The following PKN3 variants were observed in gnomAD, a reference collection of about 807,000 sequenced individuals.
The protein encoded by PKN3 is protein kinase N3.
Under a neutral mutation model 113.1 loss-of-function variants are expected in PKN3, and 91 were observed. The observed-to-expected ratio is 0.80, with a 90% CI of 0.68 to 0.96. The LOEUF is 0.96. Among genes scored for constraint, PKN3 ranks in the 40% least tolerant of loss-of-function variants. The pLI, the probability that PKN3 is intolerant of heterozygous loss-of-function variation, is 0.00. For missense variants in PKN3, 1,052 were observed against 1,202.2 expected (o/e 0.88, Z 1.85); for synonymous variants, 467 against 499.0 (o/e 0.94, Z 0.85).
intron 6 of PKN3, among the ~76,000 whole-genome samples, chr9:128,708,533 A>T (rs189899420): frequency 0.014 from 2,059 of 147,978 alleles, 19 homozygotes; most frequent in Non-Finnish European, 0.019. Flanking sequence ...ACCCAGTCTC[A>T]AAAAAAAAAG....
At chr9:128,712,918 C>T in intron 6 of PKN3, 134 bp from the exon 7 acceptor site, 2 of 897,000 alleles carry the variant, frequency 2.2e-6, no homozygotes, top group East Asian at 2.5e-5. Flanking sequence ...AGGTAACTGC[C>T]CTGGCCTCAG....
At position 128,705,434 on chromosome 9, in the gene PKN3, T is replaced by C. The variant is rs966258532; in HGVS notation, c.156T>C (p.His52=). The C allele has an allele frequency of 1.3e-6, 2 of 1,588,796 alleles. No individual in the cohort carries two copies. Among genetic ancestry groups the C allele is most frequent in the East Asian group, 2.3e-5 (1 of 43,396 alleles). ...RVATDRRHLG[H]VQQLLRSSNR... is the part of the protein sequence containing the mutation. ...CCACAGACCGCCGCCACTTGGGCCA[T>C]GTGCAGCAGCTGCTGCGGTCCTCCA... is the stretch of plus-strand genomic sequence containing the variant. Residue 52 remains histidine, a synonymous_variant, in exon 2 of 22, where the codon CAT becomes CAC. Transcript: ENST00000291906.
In PKN3 at chr9:128,715,308, T is replaced by C; in HGVS notation, c.1717-61T>C. The C allele has an allele frequency of 6.2e-7, 1 of 1,606,780 alleles. No individual in the cohort carries two copies. The highest frequency in any genetic ancestry group is 1.3e-5 in the African/African-American group (1 of 74,874). ...ACATGAGCCGGGAGGACCTGATCTG[T>C]GGGGGCGGTAAAGGCTCCCTGGTCT... On this transcript the variant is annotated intron_variant, in intron 14 of 21. Transcript: ENST00000291906. This position sits in a 1 kb window ranked among gnomAD's most constrained non-coding sequence, Gnocchi z 4.1.
At chr9:128,714,471 C>T (rs1002354823) in intron 11 of PKN3, 91 bp from the exon 12 acceptor site, 1 of 1,139,630 alleles carries the variant, frequency 8.8e-7, no homozygotes, top group Non-Finnish European at 1.3e-6. Flanking sequence ...GCCCGCTAAC[C>T]CTCTGTCCAT....
In PKN3 at chr9:128,702,711, G is replaced by T. The variant is rs940302881; in HGVS notation, c.-205G>T. The T allele has an allele frequency of 5.2e-5, 25 of 483,866 alleles. No individual in the cohort carries two copies. The highest frequency in any genetic ancestry group is 4.7e-4 in the African/African-American group (23 of 48,466). 30.0% of individuals were successfully genotyped at this position (483,866 alleles called of 1,614,324 possible). On this transcript the variant is annotated 5_prime_UTR_variant, in exon 1 of 22. Coordinates refer to ENST00000291906, the MANE Select transcript of PKN3 (RefSeq NM_013355.5). ...GGAGGCGCTGGGGCGCGGGACCTCG[G>T]GCGTGGGGTCCCGGGCGCTGGATCG... is the stretch of plus-strand genomic sequence containing the variant.
At position 128,715,432 on chromosome 9, in the gene PKN3, G is replaced by A; in HGVS notation, c.1780G>A (p.Glu594Lys). ...CGCCATCAAAGCACTGAAGAAGCAG[G>A]AGGTGCTCAGCCGGGACGAGATAGA... ...YYAIKALKKQ[E>K]VLSRDEIESL... The change falls in exon 15 of 22, where the codon GAG (glutamate) becomes AAG (lysine). Residue 594 changes from glutamate (E) to lysine (K), a missense_variant. Coordinates refer to ENST00000291906, the MANE Select transcript of PKN3 (RefSeq NM_013355.5). This position sits in a 1 kb window ranked among gnomAD's most constrained non-coding sequence, Gnocchi z 4.1. 1 of 1,613,936 alleles carries A rather than the reference G, an allele frequency of 6.2e-7. No individual in the cohort carries two copies. Among genetic ancestry groups the A allele is most frequent in the Non-Finnish European group, 8.5e-7 (1 of 1,179,974 alleles).
intron 1 of PKN3, chr9:128,703,289 A>C: frequency 2.4e-6 from 2 of 841,784 alleles, no homozygotes; most frequent in Non-Finnish European, 2.9e-6. Flanking sequence ...GGCCGACGGG[A>C]ATTAGCCGGG....
chr9:128,714,072 G>A lies in PKN3; in HGVS notation c.1263G>A (p.Glu421=). ...TGACCTTCTGCGATCCTGTCATTGA[G>A]AGGCGGCCCCGGCTGCAGAGGCAGG... The part of the protein sequence containing the change: ...AQVTFCDPVI[E]RRPRLQRQER... The change falls in exon 10 of 22, where the codon GAG becomes GAA. Residue 421 remains glutamate, a synonymous_variant. Transcript: ENST00000291906. The A allele has an allele frequency of 5.0e-6, 8 of 1,614,114 alleles. No individual in the cohort carries two copies. The highest frequency in any genetic ancestry group is 6.8e-6 in the Non-Finnish European group (8 of 1,179,994).
chr9:128,713,898 G>T lies in PKN3; in HGVS notation c.1237-148G>T. On this transcript the variant is annotated intron_variant, in intron 9 of 21. Transcript: ENST00000291906. ...CCTCTGTTTCTCCACTAGTATCAAT[G>T]AGGACATTGAATCTGTTTCTCTGGG... 5 of 831,200 alleles carry T rather than the reference G, an allele frequency of 6.0e-6. No homozygotes were observed. In the Admixed American group the frequency reaches 6.6e-5, roughly 11 times the overall value. The allele number at this position is 831,200 out of a possible 1,614,324, so 51.5% of individuals were successfully genotyped here. A position where few individuals can be genotyped will look rare whatever the true frequency, so the allele number is the denominator to read the frequency against.
At chr9:128,706,028 G>A (rs1862005867) in intron 3 of PKN3, 149 bp downstream of exon 3, 4 of 818,552 alleles carry the variant, frequency 4.9e-6, no homozygotes, top group East Asian at 2.7e-5. Flanking sequence ...GGGTGAGGAA[G>A]GCATGGCTGT....
intron 6 of PKN3, among the ~76,000 whole-genome samples, chr9:128,707,808 C>T (rs1862063678): frequency 6.6e-6 from 1 of 152,086 alleles, no homozygotes; most frequent in Admixed American, 6.6e-5. Context: ...CGTGGTGGCT[C>T]ACGCTGGTAA....
At chr9:128,712,209 C>T (rs568864467) in intron 6 of PKN3, among the ~76,000 whole-genome samples, 2 of 152,286 alleles carry the variant, frequency 1.3e-5, no homozygotes, top group South Asian at 2.1e-4. Context: ...TGCGCCCGGC[C>T]GAGCTGTTCT....
At chr9:128,709,501 C>T (rs1225925810) in intron 6 of PKN3, among the ~76,000 whole-genome samples, 7 of 151,244 alleles carry the variant, frequency 4.6e-5, no homozygotes, top group South Asian at 2.1e-4. Context: ...CCTGTAATCT[C>T]AGCACTTTGG....
chr9:128,703,717 G>A, intron 1 of PKN3: 1 of 985,428 alleles, frequency 1.0e-6, no homozygotes, highest in South Asian at 4.7e-5. Flanking sequence ...CGGGACCATG[G>A]GGGTGTTGCG....
rs1564375456 is a variant in PKN3 at position 128,714,556 on chromosome 9, C to T, written c.1482-6C>T. The T allele has an allele frequency of 2.5e-6, 3 of 1,186,396 alleles. No individual in the cohort carries two copies. Among genetic ancestry groups the T allele is most frequent in the African/African-American group, 1.5e-5 (1 of 66,978 alleles). The allele number at this position is 1,186,396 out of a possible 1,614,324, so 73.5% of individuals were successfully genotyped here. A position where few individuals can be genotyped will look rare whatever the true frequency, so the allele number is the denominator to read the frequency against. Reference sequence around the variant, plus strand: ...GCTGGGCACTGTGTCTACTTTCTCCCTACAGTAATTTCCTGCCCAAGAAGA... The same window carrying T: ...GCTGGGCACTGTGTCTACTTTCTCCTTACAGTAATTTCCTGCCCAAGAAGA... On this transcript the variant is annotated splice_region_variant and splice_polypyrimidine_tract_variant and intron_variant, in intron 11 of 21. Transcript: ENST00000291906.
Position 128,707,247 on chromosome 9 carries a change from CT to C in PKN3, c.678del (p.Gln227ArgfsTer27), listed in dbSNP as rs1862046782. 6.2e-7 allele frequency: 1 copy of C among 1,610,798 alleles called. No individual in the cohort carries two copies. On this transcript the variant is annotated frameshift_variant, in exon 6 of 22. Transcript: ENST00000291906. LOFTEE classifies it high-confidence loss of function. Reference protein sequence around the residue: ...AEAQAQLQESSQKLDLLRLAL... With the variant: ...AEAQAQLQESXQKLDLLRLAL... ...GCCCAGGCCCAGCTACAGGAGTCCT[CT>C]CAGAAACTGGACCTCCTGCGCCTGG...
intron 18 of PKN3, among the ~76,000 whole-genome samples, chr9:128,718,902 GT>G (rs1358001877): frequency 1.5e-5 from 2 of 131,888 alleles, no homozygotes; most frequent in African/African-American, 5.5e-5. Context: ...TTTTTGGTTT[GT>G]TTTTTTTTTT....
Position 128,714,256 on chromosome 9 carries a change from G to A in PKN3, c.1372G>A (p.Val458Ile), listed in dbSNP as rs373783574. 2.3e-5 allele frequency: 37 copies of A among 1,613,764 alleles called. No individual in the cohort carries two copies. The highest frequency in any genetic ancestry group is 1.5e-4 in the South Asian group (14 of 91,090). Residue 458 changes from valine to isoleucine, a missense_variant, in exon 11 of 22, where the codon GTC becomes ATC. Val to Ile is a conservative substitution (Grantham distance 29, BLOSUM62 3). Transcript: ENST00000291906. Reference sequence around the variant, plus strand: ...CGGCATGGCGGCCTGGGGGCGCCTCGTCATGAACCTGCTGCCCCCCTGCAG... The same window carrying A: ...CGGCATGGCGGCCTGGGGGCGCCTCATCATGAACCTGCTGCCCCCCTGCAG... ...NLGMAAWGRL[V>I]MNLLPPCSSP...
intron 10 of PKN3, 28 bp downstream of exon 10, chr9:128,714,149 A>C: frequency 6.2e-7 from 1 of 1,614,002 alleles, no homozygotes; most frequent in Non-Finnish European, 8.5e-7. Flanking sequence ...GCTATGTGTG[A>C]GGGAGCAGGG....
Sources: gnomAD v4.1 joint callset for allele counts (sites outside exome capture counted in the v4.1 genomes callset) on GRCh38, gnomAD v4.1.1 for gene constraint, Gnocchi (gnomAD v3.1) non-coding constraint, MANE v1.5 for transcripts, NCBI Gene and HGNC (gene_info 2026-07-23, HGNC 2026-07-21) for gene names.